Variants in ADCY3 observed in about 807,000 individuals in gnomAD.
ADCY3 encodes the protein adenylate cyclase type 3.
A neutral mutation model predicts 119.4 loss-of-function variants in ADCY3; 70 were observed. That is an observed-to-expected ratio of 0.59 (90% confidence interval 0.48 to 0.72). The LOEUF is 0.72. Ranked by LOEUF, ADCY3 falls within the 30% of genes least tolerant of loss-of-function variation. The pLI, the probability that ADCY3 is intolerant of heterozygous loss-of-function variation, is 0.00. For synonymous variants in ADCY3, 672 were observed against 621.4 expected (o/e 1.08, Z -1.21); for missense variants, 1,238 against 1,541.6 (o/e 0.80, Z 3.30).
chr2:24,827,796 C>A (rs572315516), intron 14 of ADCY3, 106 bp downstream of exon 14: 1 of 1,534,780 alleles, frequency 6.5e-7, no homozygotes, highest in Admixed American at 1.7e-5. Context: ...TTTGAGGACC[C>A]CTAGTGGCAG....
At chr2:24,849,034 T>C (rs1671984025) in intron 3 of ADCY3, among the ~76,000 whole-genome samples, 1 of 152,150 alleles carries the variant, frequency 6.6e-6, no homozygotes, top group African/African-American at 2.4e-5. Flanking sequence ...TGGGGAGGCG[T>C]GGTCAGGTGT....
Position 24,827,621 on chromosome 2 carries a change from T to C in ADCY3, c.2433-13A>G, listed in dbSNP as rs913589265. 3.2e-6 allele frequency: 5 copies of C among 1,577,902 alleles called. No homozygotes were observed. In the African/African-American group the frequency reaches 6.7e-5, roughly 21 times the overall value. ...CACCATAGGTAAGCTGTTGGACAGA[T>C]AACAGCACAGTCAGGCCCCATCTGG... On this transcript the variant is annotated splice_polypyrimidine_tract_variant and intron_variant, in intron 14 of 21. Coordinates refer to ENST00000679454, the MANE Select transcript of ADCY3 (RefSeq NM_004036.5).
intron 3 of ADCY3, among the ~76,000 whole-genome samples, chr2:24,859,785 G>A (rs2148714818): frequency 6.6e-6 from 1 of 152,254 alleles, no homozygotes; most frequent in South Asian, 2.1e-4. Context: ...AAGGAGAGGT[G>A]GGGAGAGGCA....
chr2:24,837,887 C>CA (rs934764642), intron 8 of ADCY3, among the ~76,000 whole-genome samples: 21 of 152,190 alleles, frequency 1.4e-4, no homozygotes, highest in African/African-American at 4.6e-4. Flanking sequence ...CAAGCTTGTT[C>CA]AACCCACAGT....
At chr2:24,891,839 G>A (rs183678183) in intron 2 of ADCY3, among the ~76,000 whole-genome samples, 17 of 152,156 alleles carry the variant, frequency 1.1e-4, no homozygotes, top group Admixed American at 1.1e-3. Flanking sequence ...TTTATTATCA[G>A]TTGTTGTTCA....
chr2:24,839,979 T>A lies in ADCY3; in HGVS notation c.1249A>T (p.Thr417Ser). The A allele has an allele frequency of 6.2e-7, 1 of 1,613,812 alleles. No homozygotes were observed. The highest frequency in any genetic ancestry group is 8.5e-7 in the Non-Finnish European group (1 of 1,179,996). Residue 417 changes from threonine to serine, a missense_variant, in exon 7 of 22, where the codon ACG (threonine) becomes TCG (serine). Coordinates refer to ENST00000679454, the MANE Select transcript of ADCY3 (RefSeq NM_004036.5). ...TGVDMRVGVH[T>S]GTVLGGVLGQ... ...AGGACGCCCCCCAGCACGGTGCCCGTGTGCACCCCCACACGCATGTCCACC... is the reference window on the plus strand; with the variant it reads ...AGGACGCCCCCCAGCACGGTGCCCGAGTGCACCCCCACACGCATGTCCACC...
chr2:24,866,577 A>AAG (rs1553350395), intron 3 of ADCY3, among the ~76,000 whole-genome samples: 1 of 150,242 alleles, frequency 6.7e-6, no homozygotes, highest in African/African-American at 2.4e-5. Flanking sequence ...AAAAAAAAAA[A>AAG]AAAAAAAAGA....
At chr2:24,879,246 G>A (rs756846694) in intron 2 of ADCY3, among the ~76,000 whole-genome samples, 6 of 152,044 alleles carry the variant, frequency 3.9e-5, no homozygotes, top group Non-Finnish European at 7.4e-5. Context: ...GCCGATGTGG[G>A]CAGATCACAA....
intron 16 of ADCY3, chr2:24,825,682 T>G (rs1289292922): frequency 2.7e-5 from 6 of 221,076 alleles, no homozygotes; most frequent in Non-Finnish European, 5.3e-5. Flanking sequence ...TCTGGCTCTG[T>G]GGTCAGTTGT....
chr2:24,834,431 C>T lies in ADCY3; in HGVS notation c.1967+54G>A. 1.7e-6 allele frequency: 2 copies of T among 1,143,356 alleles called. No individual in the cohort carries two copies. The highest frequency in any genetic ancestry group is 1.3e-5 in the South Asian group (1 of 75,336). The allele number at this position is 1,143,356 out of a possible 1,614,324, so 70.8% of individuals were successfully genotyped here. A position where few individuals can be genotyped will look rare whatever the true frequency, so the allele number is the denominator to read the frequency against. ...CTGAGACACCTGCCCCCGCCCCCCG[C>T]CCGGCACCACCGCAGCCGAGGAAAC... On this transcript the variant is annotated intron_variant, in intron 11 of 21. Transcript: ENST00000679454. This position sits in a 1 kb window ranked among gnomAD's most constrained non-coding sequence, Gnocchi z 4.2.
chr2:24,879,367 G>T (rs1006755980), intron 2 of ADCY3, among the ~76,000 whole-genome samples: 2 of 150,130 alleles, frequency 1.3e-5, no homozygotes, highest in African/African-American at 4.9e-5. Flanking sequence ...GCAGGAGAAC[G>T]GCATGAACCC....
At chr2:24,869,517 C>T (rs563858137) in intron 3 of ADCY3, among the ~76,000 whole-genome samples, 1 of 152,214 alleles carries the variant, frequency 6.6e-6, no homozygotes, top group African/African-American at 2.4e-5. Context: ...GCGATCCTCC[C>T]ACCTCAGCCT....
rs1414458531 is a variant in ADCY3, at chr2:24,872,871, T to C, written c.676-152A>G. 1.1e-5 allele frequency: 10 copies of C among 878,386 alleles called. No individual in the cohort carries two copies. Among genetic ancestry groups the C allele is most frequent in the Admixed American group, 2.7e-5 (1 of 36,894 alleles). The allele number at this position is 878,386 out of a possible 1,614,324, so 54.4% of individuals were successfully genotyped here. Reference sequence around the variant, plus strand: ...TCCAGGGAGGGGCCCAGCACAGCCTTGGACCCCAGAGCCTCAGACACCACC... The same window carrying C: ...TCCAGGGAGGGGCCCAGCACAGCCTCGGACCCCAGAGCCTCAGACACCACC... On this transcript the variant is annotated intron_variant, in intron 2 of 21. Transcript: ENST00000679454. This position sits in a 1 kb window ranked among gnomAD's most constrained non-coding sequence, Gnocchi z 4.4.
chr2:24,834,198 A>G lies in ADCY3; in HGVS notation c.1967+287T>C, dbSNP rs1194236590. Among the ~76,000 whole-genome samples, 1 of 152,172 alleles carries G rather than the reference A, an allele frequency of 6.6e-6. No homozygotes were observed. The highest frequency in any genetic ancestry group is 1.5e-5 in the Non-Finnish European group (1 of 68,016). Reference sequence around the variant, plus strand: ...AGAATCAGTGTGGGCCCATCTAGCCAAGGTCTCCAGCCTTCTGGAGGCCTC... The same window carrying G: ...AGAATCAGTGTGGGCCCATCTAGCCGAGGTCTCCAGCCTTCTGGAGGCCTC... On this transcript the variant is annotated intron_variant, in intron 11 of 21. Transcript: ENST00000679454. The surrounding 1 kb of genome is among the most constrained non-coding windows in gnomAD (Gnocchi z 4.2).
At chr2:24,853,288 G>C (rs1283619251) in intron 3 of ADCY3, among the ~76,000 whole-genome samples, 2 of 152,148 alleles carry the variant, frequency 1.3e-5, no homozygotes, top group Non-Finnish European at 2.9e-5. Context: ...CAAAGCCCAA[G>C]GATGGCACAG....
At chr2:24,911,651 A>C (rs148134097) in intron 2 of ADCY3, among the ~76,000 whole-genome samples, 42,736 of 145,622 alleles carry the variant, frequency 0.29, 7,568 homozygotes, top group African/African-American at 0.49. Context: ...AAAAAAAAAA[A>C]AAAAAAACAC....
chr2:24,917,858 G>A (rs1664648196), intron 2 of ADCY3, among the ~76,000 whole-genome samples: 1 of 152,174 alleles, frequency 6.6e-6, no homozygotes, highest in African/African-American at 2.4e-5. Context: ...GACAACAACC[G>A]TGTCATGCAG....
Position 24,834,412 on chromosome 2 carries a change from CACCT to C in ADCY3, c.1967+69_1967+72del. On this transcript the variant is annotated intron_variant, in intron 11 of 21. Coordinates refer to ENST00000679454, the MANE Select transcript of ADCY3 (RefSeq NM_004036.5). This position sits in a 1 kb window ranked among gnomAD's most constrained non-coding sequence, Gnocchi z 4.2. ...CCCCAATGTCAGGCTCCCGCTGAGA[CACCT>C]GCCCCCGCCCCCCGCCCGGCACCAC... is the stretch of plus-strand genomic sequence containing the variant. 2.3e-6 allele frequency: 3 copies of C among 1,314,716 alleles called. No individual in the cohort carries two copies. Among genetic ancestry groups the C allele is most frequent in the Non-Finnish European group, 3.1e-6 (3 of 954,544 alleles). The allele number at this position is 1,314,716 out of a possible 1,614,324, so 81.4% of individuals were successfully genotyped here.
chr2:24,820,072 G>T lies in ADCY3; in HGVS notation c.3295C>A (p.Arg1099Ser), dbSNP rs143344645. Residue 1099 changes from arginine to serine, a missense_variant, in exon 22 of 22, where the codon CGC becomes AGC. Arg to Ser is a moderately radical substitution (Grantham distance 110, BLOSUM62 -1). Coordinates refer to ENST00000679454, the MANE Select transcript of ADCY3 (RefSeq NM_004036.5). ...AAGATGGGGCCTCGCCTCACAAAGC[G>T]GAAGCCGTACTCTCGGAGGATGACT... ...TQVILREYGF[R>S]FVRRGPIFVK... 1 of 1,586,470 alleles carries T rather than the reference G, an allele frequency of 6.3e-7. No homozygotes were observed. Among genetic ancestry groups the T allele is most frequent in the Non-Finnish European group, 8.6e-7 (1 of 1,166,794 alleles).
Sources: gnomAD v4.1 joint callset for allele counts (sites outside exome capture counted in the v4.1 genomes callset) on GRCh38, gnomAD v4.1.1 for gene constraint, Gnocchi (gnomAD v3.1) non-coding constraint, MANE v1.5 for transcripts, NCBI Gene and HGNC (gene_info 2026-07-23, HGNC 2026-07-21) for gene names.